Variants in RDH13 observed in about 807,000 individuals in gnomAD.
The protein encoded by RDH13 is retinol dehydrogenase 13, also known as retinol dehydrogenase 13 (all-trans and 9-cis).
RDH13 carries 35 observed loss-of-function variants against 28.3 expected under a neutral mutation model. The ratio of observed to expected loss-of-function variants is 1.24; its 90% CI spans 0.95 to 1.64. RDH13 has a LOEUF of 1.64. Among genes scored for constraint, RDH13 ranks in the 40% most tolerant of loss-of-function variants. The pLI, the probability that RDH13 is intolerant of heterozygous loss-of-function variation, is 0.00. For synonymous variants in RDH13, 229 were observed against 198.5 expected (o/e 1.15, Z -1.29); for missense variants, 514 against 446.3 (o/e 1.15, Z -1.37).
Position 55,047,453 on chromosome 19 carries a change from C to T in RDH13, c.694G>A (p.Val232Met), listed in dbSNP as rs370826974. ...GVTVNALHPG[V>M]ARTELGRHTG... ...TGTCTGCCCAGCTCTGTCCTGGCCA[C>T]GCCGGGGTGCAGGGCGTTGACAGTC... Residue 232 changes from valine (V) to methionine (M), a missense_variant, in exon 6 of 7, where the codon GTG (valine) becomes ATG (methionine). Val to Met is a conservative substitution (Grantham distance 21). Coordinates refer to ENST00000415061, the MANE Select transcript of RDH13 (RefSeq NM_001145971.2). The T allele has an allele frequency of 7.6e-5, 123 of 1,610,112 alleles. No homozygotes were observed. The highest frequency in any genetic ancestry group is 9.7e-5 in the Non-Finnish European group (115 of 1,179,926).
chr19:55,051,822 G>A (rs892206427), intron 3 of RDH13, among the ~76,000 whole-genome samples: 4 of 151,154 alleles, frequency 2.6e-5, no homozygotes, highest in Admixed American at 6.6e-5. Context: ...AACCTCCGCC[G>A]CCAGGGCTCA....
At position 55,048,733 on chromosome 19, in the gene RDH13, T is replaced by C; in HGVS notation, c.371A>G (p.Asn124Ser). 4 of 1,613,466 alleles carry C rather than the reference T, an allele frequency of 2.5e-6. No individual in the cohort carries two copies. The highest frequency in any genetic ancestry group is 3.4e-6 in the Non-Finnish European group (4 of 1,179,850). Residue 124 changes from asparagine (N) to serine (S), a missense_variant, in exon 4 of 7, where the codon AAC becomes AGC. Asn to Ser is a conservative substitution (Grantham distance 46, BLOSUM62 1). Transcript: ENST00000415061. Reference protein sequence around the residue: ...EEERVDILINNAGVMRCPHWT... With the variant: ...EEERVDILINSAGVMRCPHWT... ...GTGGGGGCACCGCATCACACCCGCG[T>C]TGTTGATTAGAATGTCCACTCGCTC...
Position 55,044,722 on chromosome 19 carries a change from G to A in RDH13, c.*352C>T, listed in dbSNP as rs971696710. ...CAGACAACTTGCCCATGCTCTTCAC[G>A]GAGCACCTTGGAACCCTCCCCGACA... On this transcript the variant is annotated 3_prime_UTR_variant, in exon 7 of 7. Coordinates refer to ENST00000415061, the MANE Select transcript of RDH13 (RefSeq NM_001145971.2). 13 of 295,018 alleles carry A rather than the reference G, an allele frequency of 4.4e-5. No individual in the cohort carries two copies. Among genetic ancestry groups the A allele is most frequent in the East Asian group, 1.2e-4 (2 of 17,292 alleles). The allele number at this position is 295,018 out of a possible 1,614,324, so 18.3% of individuals were successfully genotyped here.
rs977599817 is a variant in RDH13, at chr19:55,045,376, CG to C, written c.761-68del. Reference sequence around the variant, plus strand: ...AGAGAAGGAAGGAAGCCCCGCTCCCCGGTCAGGGAGCTCCGGGTCCCTGGAG... The same window carrying C: ...AGAGAAGGAAGGAAGCCCCGCTCCCCGTCAGGGAGCTCCGGGTCCCTGGAG... On this transcript the variant is annotated intron_variant, in intron 6 of 6. Transcript: ENST00000415061. 7 of 1,306,292 alleles carry C rather than the reference CG, an allele frequency of 5.4e-6. No homozygotes were observed. The African/African-American group carries it at 8.8e-5, about 16-fold the overall frequency. The allele number at this position is 1,306,292 out of a possible 1,614,324, so 80.9% of individuals were successfully genotyped here. A position where few individuals can be genotyped will look rare whatever the true frequency, so the allele number is the denominator to read the frequency against.
At chr19:55,048,978 C>T (rs555480065) in intron 3 of RDH13, among the ~76,000 whole-genome samples, 1 of 152,208 alleles carries the variant, frequency 6.6e-6, no homozygotes, top group East Asian at 1.9e-4. Flanking sequence ...GAGACAGAGA[C>T]ACATGGGGAG....
chr19:55,058,388 C>CAA (rs796076630), intron 2 of RDH13, among the ~76,000 whole-genome samples: 2 of 130,952 alleles, frequency 1.5e-5, no homozygotes, highest in Non-Finnish European at 3.3e-5. Flanking sequence ...AACTCCATCT[C>CAA]AAAAAAAAAA....
chr19:55,050,411 A>C (rs778471349), intron 3 of RDH13, among the ~76,000 whole-genome samples: 3 of 152,004 alleles, frequency 2.0e-5, no homozygotes, highest in Admixed American at 6.6e-5. Flanking sequence ...CACCACACTC[A>C]GTCTACTTGG....
chr19:55,050,012 T>C (rs992174798), intron 3 of RDH13, among the ~76,000 whole-genome samples: 1 of 150,884 alleles, frequency 6.6e-6, no homozygotes, highest in Non-Finnish European at 1.5e-5. Flanking sequence ...TTTTCAGACA[T>C]GGTCTCACTA....
At chr19:55,047,284 T>A in intron 6 of RDH13, 103 bp downstream of exon 6, 8 of 1,503,466 alleles carry the variant, frequency 5.3e-6, no homozygotes, top group Non-Finnish European at 7.1e-6. Context: ...GGAGCAGGCA[T>A]GAGGCCTCAG....
intron 6 of RDH13, among the ~76,000 whole-genome samples, chr19:55,045,653 G>A (rs924672863): frequency 6.6e-6 from 1 of 152,084 alleles, no homozygotes; most frequent in Non-Finnish European, 1.5e-5. Context: ...TCAGGTTAAG[G>A]ATCTTTTTTT....
At chr19:55,061,268 C>T (rs1423940531) in intron 1 of RDH13, among the ~76,000 whole-genome samples, 3 of 152,168 alleles carry the variant, frequency 2.0e-5, no homozygotes, top group Admixed American at 2.0e-4. Flanking sequence ...GCTGGGATTA[C>T]AGGCACATGC....
chr19:55,044,713 G>C lies in RDH13; in HGVS notation c.*361C>G, dbSNP rs1024531264. Reference sequence around the variant, plus strand: ...ACCAAGTGTCAGACAACTTGCCCATGCTCTTCACGGAGCACCTTGGAACCC... The same window carrying C: ...ACCAAGTGTCAGACAACTTGCCCATCCTCTTCACGGAGCACCTTGGAACCC... On this transcript the variant is annotated 3_prime_UTR_variant, in exon 7 of 7. Coordinates refer to ENST00000415061, the MANE Select transcript of RDH13 (RefSeq NM_001145971.2). 1.1e-5 allele frequency: 3 copies of C among 275,476 alleles called. No individual in the cohort carries two copies. The highest frequency in any genetic ancestry group is 2.0e-5 in the Non-Finnish European group (3 of 147,866). The allele number at this position is 275,476 out of a possible 1,614,324, so 17.1% of individuals were successfully genotyped here. A position where few individuals can be genotyped will look rare whatever the true frequency, so the allele number is the denominator to read the frequency against.
At chr19:55,052,963 ATTGTT>A (rs1235762106) in intron 3 of RDH13, among the ~76,000 whole-genome samples, 1 of 140,794 alleles carries the variant, frequency 7.1e-6, no homozygotes, top group African/African-American at 2.6e-5. Flanking sequence ...CGCCTGCCTG[ATTGTT>A]TTGTATTTTT....
intron 6 of RDH13, 99 bp from the exon 7 acceptor site, chr19:55,045,408 C>T (rs952880994): frequency 4.6e-6 from 4 of 871,236 alleles, no homozygotes; most frequent in Non-Finnish European, 7.1e-6. Flanking sequence ...TGGAGTCCCA[C>T]AGAGCCCTCC....
chr19:55,065,715 C>T (rs1010143126), upstream of RDH13, among the ~76,000 whole-genome samples: 5 of 151,620 alleles, frequency 3.3e-5, no homozygotes, highest in African/African-American at 4.8e-5. Flanking sequence ...ATAAGCAGTG[C>T]GCCACAGTTC....
chr19:55,059,633 G>A (rs936084749), intron 1 of RDH13, among the ~76,000 whole-genome samples: 1 of 152,130 alleles, frequency 6.6e-6, no homozygotes, highest in Non-Finnish European at 1.5e-5. Flanking sequence ...TTCGAGTCCA[G>A]CCTGGCAAAC....
chr19:55,056,881 C>G, intron 2 of RDH13, 73 bp from the exon 3 acceptor site: 1 of 1,302,758 alleles, frequency 7.7e-7, no homozygotes, highest in Non-Finnish European at 1.1e-6. Flanking sequence ...GACATGAAAA[C>G]ATACGTCTAC....
chr19:55,063,283 G>A (rs540552155), upstream of RDH13: 8 of 390,252 alleles, frequency 2.0e-5, no homozygotes, highest in Non-Finnish European at 3.6e-5. Context: ...GGTTTCAGGA[G>A]CCTGTGGGCG....
chr19:55,047,501 G>A lies in RDH13; in HGVS notation c.659-13C>T. 1.3e-6 allele frequency: 2 copies of A among 1,599,374 alleles called. No homozygotes were observed. The highest frequency in any genetic ancestry group is 1.7e-6 in the Non-Finnish European group (2 of 1,177,882). On this transcript the variant is annotated splice_polypyrimidine_tract_variant and intron_variant, in intron 5 of 6. Transcript: ENST00000415061. ...GTCACACCAGAGCCTGGGGAAGAAA[G>A]AAAGAGAAGACTGAGGGAGGGGTCC... is the stretch of plus-strand genomic sequence containing the variant.
Sources: gnomAD v4.1 joint callset for allele counts (sites outside exome capture counted in the v4.1 genomes callset) on GRCh38, gnomAD v4.1.1 for gene constraint, MANE v1.5 for transcripts, NCBI Gene and HGNC (gene_info 2026-07-23, HGNC 2026-07-21) for gene names.